Variants in RIPOR2 observed in about 807,000 individuals in gnomAD.
The protein encoded by RIPOR2 is RHO family interacting cell polarization regulator 2, also known as rho family-interacting cell polarization regulator 2.
Under a neutral mutation model 114.5 loss-of-function variants are expected in RIPOR2, and 39 were observed. That is an observed-to-expected ratio of 0.34 (90% CI 0.26 to 0.44). RIPOR2 has a LOEUF of 0.44. RIPOR2 is among the 20% of genes least tolerant of loss of function. The probability of loss-of-function intolerance (pLI) is 1.00; values close to 1 mark genes in which losing one functional copy is unlikely to be tolerated. For missense variants in RIPOR2, 1,007 were observed against 1,255.1 expected (o/e 0.80, Z 2.99); for synonymous variants, 445 against 484.4 (o/e 0.92, Z 1.07).
In RIPOR2 at chr6:24,865,324, G is replaced by A. The variant is rs761661833; in HGVS notation, c.628C>T (p.Arg210Trp). Reference sequence around the variant, plus strand: ...ACCTCTGTGTACTCCTTGAAGCTCCGATTGATCTCTGTCAGACTCTCCCGG... The same window carrying A: ...ACCTCTGTGTACTCCTTGAAGCTCCAATTGATCTCTGTCAGACTCTCCCGG... The part of the protein sequence containing the change: ...AARESLTEIN[R>W]SFKEYTENMC... The change falls in exon 7 of 22, where the codon CGG (arginine) becomes TGG (tryptophan). Residue 210 changes from arginine (R) to tryptophan (W), a missense_variant. Coordinates refer to ENST00000643898, the MANE Select transcript of RIPOR2 (RefSeq NM_001286445.3). 1 of 1,613,036 alleles carries A rather than the reference G, an allele frequency of 6.2e-7. No individual in the cohort carries two copies. Among genetic ancestry groups the A allele is most frequent in the Admixed American group, 1.7e-5 (1 of 59,884 alleles).
In RIPOR2 at chr6:24,927,205, A is replaced by G. The variant is rs1454825699; in HGVS notation, c.61+8633T>C. Reference sequence around the variant, plus strand: ...CATGACCACCACCACAACTACAAGCACCACCACCACCACTACCACCAGCAC... The same window carrying G: ...CATGACCACCACCACAACTACAAGCGCCACCACCACCACTACCACCAGCAC... On this transcript the variant is annotated intron_variant, in intron 1 of 21. Transcript: ENST00000643898. 1.4e-5 allele frequency among the ~76,000 whole-genome samples: 2 copies of G among 147,036 alleles called. 1 individual carries two copies. Among genetic ancestry groups the G allele is most frequent in the Admixed American group, 1.4e-4 (2 of 14,738 alleles).
intron 12 of RIPOR2, among the ~76,000 whole-genome samples, chr6:24,844,213 G>A (rs1762030636): frequency 6.6e-6 from 1 of 152,182 alleles, no homozygotes; most frequent in Admixed American, 6.5e-5. Context: ...GGGCTCTCAG[G>A]CTGCCTAGAA....
At chr6:24,935,781 G>T in intron 1 of RIPOR2, 57 bp downstream of exon 1, 1 of 1,242,742 alleles carries the variant, frequency 8.0e-7, no homozygotes, top group Non-Finnish European at 1.1e-6. Flanking sequence ...AGTGTCCAGT[G>T]GTGTCAAAAC....
At chr6:24,998,348 T>G (rs1158037131) in intron 1 of RIPOR2, among the ~76,000 whole-genome samples, 2 of 152,212 alleles carry the variant, frequency 1.3e-5, no homozygotes, top group Non-Finnish European at 2.9e-5. Flanking sequence ...CCATCAGACA[T>G]ATGTACAAAT....
At chr6:24,961,481 T>G (rs951659496) in intron 1 of RIPOR2, among the ~76,000 whole-genome samples, 2 of 152,180 alleles carry the variant, frequency 1.3e-5, no homozygotes, top group African/African-American at 4.8e-5. Flanking sequence ...TAGCCTGGAA[T>G]TCTGTGCTCT....
At chr6:25,033,043 A>G (rs1777067228) in intron 1 of RIPOR2, among the ~76,000 whole-genome samples, 1 of 152,156 alleles carries the variant, frequency 6.6e-6, no homozygotes, top group Admixed American at 6.5e-5. Context: ...TGTCTCTACA[A>G]AAAATTAAAA....
chr6:25,013,851 A>C (rs936724752), intron 1 of RIPOR2, among the ~76,000 whole-genome samples: 17 of 152,206 alleles, frequency 1.1e-4, no homozygotes, highest in Admixed American at 2.0e-4. Flanking sequence ...CACTGAATTT[A>C]AGGAAGCTAA....
intron 1 of RIPOR2, chr6:25,023,137 C>G (rs1249455351): frequency 1.9e-6 from 1 of 527,262 alleles, no homozygotes; most frequent in African/African-American, 1.9e-5. Context: ...AGCCCCACTA[C>G]GCTGCCAGCC....
At chr6:25,001,533 G>A (rs1247838222) in intron 1 of RIPOR2, among the ~76,000 whole-genome samples, 3 of 148,318 alleles carry the variant, frequency 2.0e-5, no homozygotes, top group African/African-American at 7.5e-5. Context: ...GCTGAGGCAG[G>A]AGAATTGCTT....
intron 13 of RIPOR2, chr6:24,840,314 G>A (rs1217380762): frequency 1.9e-6 from 2 of 1,050,560 alleles, no homozygotes; most frequent in Non-Finnish European, 1.1e-6. Context: ...AAGCAGCCCT[G>A]CTTCCTCTGG....
Position 24,886,058 on chromosome 6 carries a change from A to C in RIPOR2, c.62-10241T>G, listed in dbSNP as rs370063628. On this transcript the variant is annotated intron_variant, in intron 1 of 21. Coordinates refer to ENST00000643898, the MANE Select transcript of RIPOR2 (RefSeq NM_001286445.3). ...GAAAAGTTGCAGGAAAAGTACAGAAAGTTCTCATCTACCCTTCACCCAGAT... is the reference window on the plus strand; with the variant it reads ...GAAAAGTTGCAGGAAAAGTACAGAACGTTCTCATCTACCCTTCACCCAGAT... Among the ~76,000 whole-genome samples the C allele has an allele frequency of 1.2e-3, 176 of 152,300 alleles. 4 individuals are homozygous for C. The South Asian group carries it at 0.034, about 30-fold the overall frequency.
At chr6:24,978,390 G>A (rs1774162562) in intron 1 of RIPOR2, among the ~76,000 whole-genome samples, 2 of 152,094 alleles carry the variant, frequency 1.3e-5, no homozygotes, top group South Asian at 4.2e-4. Context: ...CATACTGCTC[G>A]CATGAGTATA....
chr6:24,854,767 C>T (rs1026394704), intron 8 of RIPOR2, among the ~76,000 whole-genome samples: 2 of 152,112 alleles, frequency 1.3e-5, no homozygotes, highest in South Asian at 2.1e-4. Context: ...GTGGCTCACA[C>T]CTGTAATCCC....
At chr6:24,895,481 A>G (rs1370750659) in intron 1 of RIPOR2, among the ~76,000 whole-genome samples, 3 of 151,880 alleles carry the variant, frequency 2.0e-5, no homozygotes, top group Admixed American at 6.6e-5. Flanking sequence ...TTCTCCATAC[A>G]CACAGCATGC....
At chr6:25,012,420 T>C (rs1431290814) in intron 1 of RIPOR2, among the ~76,000 whole-genome samples, 1 of 152,184 alleles carries the variant, frequency 6.6e-6, no homozygotes, top group Admixed American at 6.5e-5. Context: ...TAATGACCTG[T>C]CCACAAGTGT....
chr6:24,804,939 A>C lies in RIPOR2; in HGVS notation c.*1434T>G, dbSNP rs1780684610. 1 of 152,168 alleles carries C rather than the reference A, an allele frequency of 6.6e-6. No individual in the cohort carries two copies. The highest frequency in any genetic ancestry group is 2.1e-4 in the South Asian group (1 of 4,828). The allele number at this position is 152,168 out of a possible 1,614,324, so 9.4% of individuals were successfully genotyped here. ...CTTGCATCTCTGATACTGAAGCAAT[A>C]ATGGGACCTGATGTTTGAACTATTT... On this transcript the variant is annotated 3_prime_UTR_variant, in exon 22 of 22. Coordinates refer to ENST00000643898, the MANE Select transcript of RIPOR2 (RefSeq NM_001286445.3).
At chr6:24,907,572 T>A (rs1769118501) in intron 1 of RIPOR2, among the ~76,000 whole-genome samples, 1 of 152,088 alleles carries the variant, frequency 6.6e-6, no homozygotes, top group Admixed American at 6.5e-5. Context: ...AGAGAAGAAG[T>A]TGGTGGCTGC....
chr6:24,925,832 T>A (rs1417709382), intron 1 of RIPOR2, among the ~76,000 whole-genome samples: 1 of 152,228 alleles, frequency 6.6e-6, no homozygotes, highest in Non-Finnish European at 1.5e-5. Flanking sequence ...TATTTGTTAA[T>A]GAGCTCACAG....
Position 24,810,073 on chromosome 6 carries a change from T to A in RIPOR2, c.2953-266A>T, listed in dbSNP as rs10946727. 0.75 allele frequency among the ~76,000 whole-genome samples: 113,176 copies of A among 151,888 alleles called. 44,318 individuals are homozygous for A. The highest frequency in any genetic ancestry group is 0.88 in the East Asian group (4,537 of 5,158). On this transcript the variant is annotated intron_variant, in intron 20 of 21. Coordinates refer to ENST00000643898, the MANE Select transcript of RIPOR2 (RefSeq NM_001286445.3). Reference sequence around the variant, plus strand: ...ACTATGTTGCCCAGGCTAGTCGAATTCTTCTGCCTTGGCCTCCTAATGTGG... The same window carrying A: ...ACTATGTTGCCCAGGCTAGTCGAATACTTCTGCCTTGGCCTCCTAATGTGG...
Sources: allele counts gnomAD v4.1 joint callset (sites outside exome capture counted in the v4.1 genomes callset), GRCh38; gene constraint gnomAD v4.1.1; transcripts MANE v1.5; gene names NCBI Gene and HGNC (gene_info 2026-07-23, HGNC 2026-07-21).